Variants in BEGAIN observed in about 807,000 individuals in gnomAD.
BEGAIN encodes the protein brain enriched guanylate kinase associated.
BEGAIN carries 19 observed loss-of-function variants against 35.8 expected under a neutral mutation model. That is an observed-to-expected ratio of 0.53 (90% CI 0.37 to 0.78). The LOEUF (loss-of-function observed/expected upper bound fraction) is 0.78. Ranked by LOEUF, BEGAIN falls within the 30% of genes least tolerant of loss-of-function variation. The pLI is 0.00. For synonymous variants in BEGAIN, 462 were observed against 388.6 expected, an observed-to-expected ratio of 1.19 and a Z score of -2.22; for missense variants, 795 against 853.6, an observed-to-expected ratio of 0.93 and a Z score of 0.85.
intron 1 of BEGAIN, among the ~76,000 whole-genome samples, chr14:100,579,677 T>C (rs79304153): frequency 0.024 from 3,669 of 152,318 alleles, 139 homozygotes; most frequent in African/African-American, 0.084. Context: ...TTCTGAGCTC[T>C]GCCGGACACC....
At chr14:100,550,193 C>T (rs1352701370) in intron 2 of BEGAIN, among the ~76,000 whole-genome samples, 1 of 152,202 alleles carries the variant, frequency 6.6e-6, no homozygotes, top group Non-Finnish European at 1.5e-5. Flanking sequence ...TTCTGCCTTC[C>T]ACCGAGAGCC....
chr14:100,577,064 C>A (rs532990485), intron 1 of BEGAIN, among the ~76,000 whole-genome samples: 1 of 152,208 alleles, frequency 6.6e-6, no homozygotes, highest in African/African-American at 2.4e-5. Flanking sequence ...AAGGCTCTGC[C>A]GCAGTGGGGA....
At chr14:100,559,962 A>G (rs10148392) in intron 2 of BEGAIN, among the ~76,000 whole-genome samples, 45,440 of 152,170 alleles carry the variant, frequency 0.3, 7,925 homozygotes, top group African/African-American at 0.49. Flanking sequence ...CCTCCCTCCC[A>G]AAGCCAGGCC....
At chr14:100,556,402 C>T (rs1368894726) in intron 2 of BEGAIN, among the ~76,000 whole-genome samples, 1 of 152,196 alleles carries the variant, frequency 6.6e-6, no homozygotes. Flanking sequence ...CTGGGGAGCC[C>T]TCGGAGGGTG....
At chr14:100,552,437 G>C (rs891870367) in intron 2 of BEGAIN, among the ~76,000 whole-genome samples, 1 of 152,266 alleles carries the variant, frequency 6.6e-6, no homozygotes, top group African/African-American at 2.4e-5. Context: ...GGGACCCAGA[G>C]AAGTTAAGCA....
chr14:100,573,995 G>A lies in BEGAIN; in HGVS notation c.43-6056C>T, dbSNP rs991876771. Among the ~76,000 whole-genome samples, 1 of 152,072 alleles carries A rather than the reference G, an allele frequency of 6.6e-6. No individual in the cohort carries two copies. The highest frequency in any genetic ancestry group is 1.9e-4 in the East Asian group (1 of 5,182). On this transcript the variant is annotated intron_variant, in intron 1 of 6. Coordinates refer to ENST00000554140, the MANE Select transcript of BEGAIN (RefSeq NM_001385089.1). This position sits in a 1 kb window ranked among gnomAD's most constrained non-coding sequence, Gnocchi z 4.2. ...CATTAAGGGTGGAGGTGGTCCTTCG[G>A]GGGCTGTCTCAAGGAGGAGAGCGGG... is the stretch of plus-strand genomic sequence containing the variant.
intron 6 of BEGAIN, chr14:100,540,005 G>A (rs1355318840): frequency 6.2e-6 from 1 of 162,150 alleles, no homozygotes; most frequent in East Asian, 1.8e-4. Flanking sequence ...GGCGGGCAGG[G>A]GTGGGCCTCT....
rs2033919236 is a variant in BEGAIN at position 100,558,083 on chromosome 14, C to T, written c.71+9828G>A. On this transcript the variant is annotated intron_variant, in intron 2 of 6. Coordinates refer to ENST00000554140, the MANE Select transcript of BEGAIN (RefSeq NM_001385089.1). This position sits in a 1 kb window ranked among gnomAD's most constrained non-coding sequence, Gnocchi z 4.6. The stretch of plus-strand genomic sequence containing the variant: ...CCTCGCTCCTGAACCATCCATTTTT[C>T]CCTCGCTTCCTGGTCATTCTCTGGC... Among the ~76,000 whole-genome samples, 1 of 152,110 alleles carries T rather than the reference C, an allele frequency of 6.6e-6. No homozygotes were observed. Among genetic ancestry groups the T allele is most frequent in the African/African-American group, 2.4e-5 (1 of 41,414 alleles).
At chr14:100,570,537 C>T (rs1343996034) in intron 1 of BEGAIN, among the ~76,000 whole-genome samples, 1 of 152,232 alleles carries the variant, frequency 6.6e-6, no homozygotes, top group Non-Finnish European at 1.5e-5. Context: ...TGAGTTTACC[C>T]CCACACCAGA....
rs765220771 is a variant in BEGAIN at position 100,538,722 on chromosome 14, G to A, written c.1086C>T (p.Tyr362=). The stretch of plus-strand genomic sequence containing the variant: ...CCTTGGCAAAGCGAGGGCTGCCCTC[G>A]TAGGTGGTGGCGGGTGGCTTGCGGT... ...LFDRKPPATT[Y]EGSPRFAKAT... The change falls in exon 7 of 7, where the codon TAC becomes TAT. Residue 362 remains tyrosine, a synonymous_variant. Transcript: ENST00000554140. 3.8e-6 allele frequency: 6 copies of A among 1,567,264 alleles called. No homozygotes were observed. Among genetic ancestry groups the A allele is most frequent in the Middle Eastern group, 1.7e-4 (1 of 6,028 alleles).
chr14:100,574,313 G>A (rs1423963256), intron 1 of BEGAIN, among the ~76,000 whole-genome samples: 1 of 152,188 alleles, frequency 6.6e-6, no homozygotes, highest in Non-Finnish European at 1.5e-5. Flanking sequence ...GGGGAATTTG[G>A]GCACCTGGCC....
In BEGAIN at chr14:100,546,780, GCACACACA is replaced by G. The variant is rs879183769; in HGVS notation, c.72-126_72-119del. 2.1e-3 allele frequency: 739 copies of G among 343,816 alleles called. 3 individuals carry two copies. The highest frequency in any genetic ancestry group is 8.6e-3 in the South Asian group (191 of 22,166). The allele number at this position is 343,816 out of a possible 1,614,324, so 21.3% of individuals were successfully genotyped here. ...CGAGTACCGGCGCGCGCGCGCGCGC[GCACACACA>G]CACACACACACACACACACACACAC... On this transcript the variant is annotated intron_variant, in intron 2 of 6. Coordinates refer to ENST00000554140, the MANE Select transcript of BEGAIN (RefSeq NM_001385089.1).
intron 5 of BEGAIN, among the ~76,000 whole-genome samples, chr14:100,542,870 CCT>C (rs1444483897): frequency 6.6e-6 from 1 of 152,174 alleles, no homozygotes; most frequent in African/African-American, 2.4e-5. Flanking sequence ...TCACGTTGCT[CCT>C]CTGTTTTCAG....
chr14:100,568,820 G>C lies in BEGAIN; in HGVS notation c.43-881C>G. 2 of 975,120 alleles carry C rather than the reference G, an allele frequency of 2.1e-6. No homozygotes were observed. Among genetic ancestry groups the C allele is most frequent in the African/African-American group, 1.8e-5 (1 of 57,034 alleles). 60.4% of individuals were successfully genotyped at this position (975,120 alleles called of 1,614,324 possible). A position where few individuals can be genotyped will look rare whatever the true frequency, so the allele number is the denominator to read the frequency against. On this transcript the variant is annotated intron_variant, in intron 1 of 6. Transcript: ENST00000554140. The surrounding 1 kb of genome is among the most constrained non-coding windows in gnomAD (Gnocchi z 7.5). The stretch of plus-strand genomic sequence containing the variant: ...TATCACCCGGGAGAGGCCGCTCCCC[G>C]GGGCTTTGCCCGTCTTTCTGTGCCG...
chr14:100,577,993 C>T (rs141286657), intron 1 of BEGAIN: 9 of 399,082 alleles, frequency 2.3e-5, no homozygotes, highest in East Asian at 1.1e-4. Context: ...CCAAGAGCGC[C>T]GTCACCCACT....
Position 100,555,767 on chromosome 14 carries a change from G to A in BEGAIN, c.72-9105C>T, listed in dbSNP as rs746385355. ...TCTGCCTCCGTGTGGCTAGAGGGTCGACCACGGTGGCCCCGGAGTCCAACA... is the reference window on the plus strand; with the variant it reads ...TCTGCCTCCGTGTGGCTAGAGGGTCAACCACGGTGGCCCCGGAGTCCAACA... On this transcript the variant is annotated intron_variant, in intron 2 of 6. Transcript: ENST00000554140. 3.9e-5 allele frequency among the ~76,000 whole-genome samples: 6 copies of A among 152,296 alleles called. No homozygotes were observed. In the South Asian group the frequency reaches 1.0e-3, roughly 26 times the overall value.
intron 4 of BEGAIN, 107 bp downstream of exon 4, chr14:100,544,893 G>T: frequency 8.9e-7 from 1 of 1,119,980 alleles, no homozygotes; most frequent in Non-Finnish European, 1.3e-6. Context: ...GGTGGGACCA[G>T]CAAGACCTGT....
rs2034904566 is a variant in BEGAIN, at chr14:100,568,406, A to C, written c.43-467T>G. ...ACCTCCGAGTCGGAGAATGTTGGGG[A>C]ATTCGGGGCCGTGCAGGATTGCAGA... On this transcript the variant is annotated intron_variant, in intron 1 of 6. Coordinates refer to ENST00000554140, the MANE Select transcript of BEGAIN (RefSeq NM_001385089.1). This position sits in a 1 kb window ranked among gnomAD's most constrained non-coding sequence, Gnocchi z 7.5. The C allele has an allele frequency of 8.0e-7, 1 of 1,249,548 alleles. No individual in the cohort carries two copies. The highest frequency in any genetic ancestry group is 1.0e-6 in the Non-Finnish European group (1 of 965,072). The allele number at this position is 1,249,548 out of a possible 1,614,324, so 77.4% of individuals were successfully genotyped here.
At chr14:100,546,861 A>G in intron 2 of BEGAIN, 199 bp from the exon 3 acceptor site, 1 of 469,658 alleles carries the variant, frequency 2.1e-6, no homozygotes. Context: ...ATGGCGCCCC[A>G]GAGTCAGGGA....
Sources: gnomAD v4.1 joint callset for allele counts (sites outside exome capture counted in the v4.1 genomes callset) on GRCh38, gnomAD v4.1.1 for gene constraint, Gnocchi (gnomAD v3.1) non-coding constraint, MANE v1.5 for transcripts, NCBI Gene and HGNC (gene_info 2026-07-23, HGNC 2026-07-21) for gene names.